Variants in FBXL7 observed in about 807,000 individuals in gnomAD.
FBXL7 encodes F-box and leucine rich repeat protein 7, also known as F-box/LRR-repeat protein 7.
In FBXL7, 12 loss-of-function variants were observed where a neutral mutation model predicts 38.3. The observed-to-expected ratio is 0.31, with a 90% CI of 0.20 to 0.51. FBXL7 has a LOEUF of 0.51. Among genes scored for constraint, FBXL7 ranks in the 20% least tolerant of loss-of-function variants. FBXL7 has a pLI of 0.98. For synonymous variants in FBXL7, 297 were observed against 300.9 expected (o/e 0.99, Z 0.13); for missense variants, 567 against 676.4 (o/e 0.84, Z 1.79).
intron 1 of FBXL7, among the ~76,000 whole-genome samples, chr5:15,595,237 A>G (rs931630025): frequency 2.0e-5 from 3 of 152,228 alleles, no homozygotes; most frequent in Non-Finnish European, 2.9e-5. Flanking sequence ...ATGACTGTAA[A>G]TGGTACAACA....
chr5:15,690,793 TGTG>T (rs1404220045), intron 2 of FBXL7, among the ~76,000 whole-genome samples: 1 of 152,092 alleles, frequency 6.6e-6, no homozygotes, highest in African/African-American at 2.4e-5. Context: ...CTGGGAATGT[TGTG>T]GGGGTGGAGG....
intron 2 of FBXL7, among the ~76,000 whole-genome samples, chr5:15,706,662 A>G (rs1285669139): frequency 1.3e-5 from 2 of 152,204 alleles, no homozygotes; most frequent in Admixed American, 6.5e-5. Context: ...TTGTAAAATG[A>G]AAGGATTTGC....
At chr5:15,880,995 GCTAT>G (rs966992126) in intron 2 of FBXL7, among the ~76,000 whole-genome samples, 2 of 151,680 alleles carry the variant, frequency 1.3e-5, no homozygotes, top group African/African-American at 4.8e-5. Flanking sequence ...ACTTTCCCAA[GCTAT>G]CTGATTCCAG....
At chr5:15,566,803 C>A (rs74834899) in intron 1 of FBXL7, among the ~76,000 whole-genome samples, 3 of 152,212 alleles carry the variant, frequency 2.0e-5, no homozygotes, top group Non-Finnish European at 4.4e-5. Flanking sequence ...GTATTTAATG[C>A]CTTTCTGGAC....
chr5:15,624,646 A>G (rs1190732009), intron 2 of FBXL7, among the ~76,000 whole-genome samples: 3 of 152,192 alleles, frequency 2.0e-5, no homozygotes, highest in Non-Finnish European at 2.9e-5. Context: ...AGTTAACATC[A>G]TTTTCGAGCT....
At chr5:15,731,178 C>A (rs1436638709) in intron 2 of FBXL7, among the ~76,000 whole-genome samples, 1 of 152,082 alleles carries the variant, frequency 6.6e-6, no homozygotes, top group African/African-American at 2.4e-5. Flanking sequence ...GAAGGATCCT[C>A]AAGGGCTGTG....
At chr5:15,700,313 A>C (rs1027740074) in intron 2 of FBXL7, among the ~76,000 whole-genome samples, 1 of 152,224 alleles carries the variant, frequency 6.6e-6, no homozygotes, top group Non-Finnish European at 1.5e-5. Context: ...AATACAGATA[A>C]AATACAGATA....
intron 2 of FBXL7, among the ~76,000 whole-genome samples, chr5:15,736,746 G>A (rs1421259385): frequency 1.3e-5 from 2 of 152,118 alleles, no homozygotes; most frequent in East Asian, 3.8e-4. Context: ...TGAAAAGTAA[G>A]ACATTCAAAT....
intron 2 of FBXL7, among the ~76,000 whole-genome samples, chr5:15,727,359 G>A (rs144376873): frequency 1.3e-5 from 2 of 152,024 alleles, no homozygotes; most frequent in African/African-American, 4.8e-5. Flanking sequence ...ACCCTTCAGG[G>A]CCTCCTTGAG....
chr5:15,529,595 A>G (rs1195767865), intron 1 of FBXL7, among the ~76,000 whole-genome samples: 2 of 151,954 alleles, frequency 1.3e-5, no homozygotes, highest in Admixed American at 6.6e-5. Flanking sequence ...TCACCGTGTT[A>G]GCCAGGATGG....
At chr5:15,772,226 C>T (rs1736747956) in intron 2 of FBXL7, among the ~76,000 whole-genome samples, 1 of 152,172 alleles carries the variant, frequency 6.6e-6, no homozygotes, top group Admixed American at 6.5e-5. Context: ...TCCTCTGCTC[C>T]ACTTAATGGT....
At chr5:15,711,477 C>T (rs1743868326) in intron 2 of FBXL7, among the ~76,000 whole-genome samples, 1 of 152,160 alleles carries the variant, frequency 6.6e-6, no homozygotes. Context: ...TTGTTACAAC[C>T]CTATTTCCAA....
intron 2 of FBXL7, among the ~76,000 whole-genome samples, chr5:15,825,172 G>A (rs961558513): frequency 6.6e-6 from 1 of 152,120 alleles, no homozygotes; most frequent in Non-Finnish European, 1.5e-5. Context: ...TGCCTTAAAA[G>A]TCCAATTTTC....
chr5:15,544,925 A>G (rs1321283038), intron 1 of FBXL7, among the ~76,000 whole-genome samples: 1 of 152,226 alleles, frequency 6.6e-6, no homozygotes, highest in African/African-American at 2.4e-5. Context: ...CCTTTAGCAT[A>G]CCAAGGTAAG....
chr5:15,895,554 C>T (rs1178683607), intron 2 of FBXL7, among the ~76,000 whole-genome samples: 2 of 151,020 alleles, frequency 1.3e-5, no homozygotes, highest in Non-Finnish European at 2.9e-5. Flanking sequence ...AACATTACAA[C>T]GTGAACATCT....
At chr5:15,527,312 G>T (rs1737278283) in intron 1 of FBXL7, among the ~76,000 whole-genome samples, 1 of 152,062 alleles carries the variant, frequency 6.6e-6, no homozygotes, top group South Asian at 2.1e-4. Flanking sequence ...ATTTAAAACA[G>T]CTGAGTCAAC....
At chr5:15,651,312 A>C (rs916913333) in intron 2 of FBXL7, among the ~76,000 whole-genome samples, 1 of 151,940 alleles carries the variant, frequency 6.6e-6, no homozygotes, top group African/African-American at 2.4e-5. Flanking sequence ...TAGCCAGGAT[A>C]GTCTCCATCT....
intron 2 of FBXL7, among the ~76,000 whole-genome samples, chr5:15,883,111 T>A (rs1740528228): frequency 6.6e-6 from 1 of 152,172 alleles, no homozygotes; most frequent in South Asian, 2.1e-4. Flanking sequence ...CCTTTTCAAA[T>A]TTATCATCAT....
At position 15,879,565 on chromosome 5, in the gene FBXL7, C is replaced by T. The variant is rs371085555; in HGVS notation, c.128-48325C>T. 7.2e-5 allele frequency among the ~76,000 whole-genome samples: 11 copies of T among 152,266 alleles called. No homozygotes were observed. The East Asian group carries it at 1.5e-3, about 21-fold the overall frequency. On this transcript the variant is annotated intron_variant, in intron 2 of 3. Coordinates refer to ENST00000504595, the MANE Select transcript of FBXL7 (RefSeq NM_012304.5). Reference sequence around the variant, plus strand: ...GCTTAGTATCACAGAAGAGTGAATTCTTGGTATAAATTCCCCCAGGCTAAA... The same window carrying T: ...GCTTAGTATCACAGAAGAGTGAATTTTTGGTATAAATTCCCCCAGGCTAAA...
Sources: gnomAD v4.1 joint callset for allele counts (sites outside exome capture counted in the v4.1 genomes callset) on GRCh38, gnomAD v4.1.1 for gene constraint, MANE v1.5 for transcripts, NCBI Gene and HGNC (gene_info 2026-07-23, HGNC 2026-07-21) for gene names.